The following VAV3 variants were observed in gnomAD, a reference collection of about 807,000 sequenced individuals.
VAV3 encodes vav guanine nucleotide exchange factor 3.
VAV3 carries 94 observed loss-of-function variants against 131.2 expected under a neutral mutation model. The ratio of observed to expected loss-of-function variants is 0.72; its 90% CI spans 0.61 to 0.85. The LOEUF is 0.85. Ranked by LOEUF, VAV3 falls within the 40% of genes least tolerant of loss-of-function variation. The pLI, the probability that VAV3 is intolerant of heterozygous loss-of-function variation, is 0.00. For missense variants in VAV3, 939 were observed against 1,002.7 expected, an observed-to-expected ratio of 0.94 and a Z score of 0.86; for synonymous variants, 349 against 342.0, an observed-to-expected ratio of 1.02 and a Z score of -0.22.
At chr1:107,728,633 A>ATACGTATACGTATACGTATACGTG (rs1365571649) in intron 15 of VAV3, among the ~76,000 whole-genome samples, 4 of 127,046 alleles carry the variant, frequency 3.1e-5, no homozygotes, top group Non-Finnish European at 7.2e-5. Flanking sequence ...ATGTATATGT[A>ATACGTATACGTATACGTATACGTG]TATGTATATG....
At chr1:107,709,901 A>G (rs1372760093) in intron 15 of VAV3, among the ~76,000 whole-genome samples, 1 of 152,244 alleles carries the variant, frequency 6.6e-6, no homozygotes, top group Non-Finnish European at 1.5e-5. Flanking sequence ...AGTCTCAGGT[A>G]TGTCTTTCTT....
chr1:107,664,449 G>C (rs1657267423), intron 19 of VAV3, among the ~76,000 whole-genome samples: 1 of 151,988 alleles, frequency 6.6e-6, no homozygotes, highest in African/African-American at 2.4e-5. Context: ...GAACTACAGT[G>C]CTTGAACAAA....
intron 25 of VAV3, among the ~76,000 whole-genome samples, chr1:107,590,025 T>C (rs1449196524): frequency 6.6e-6 from 1 of 152,162 alleles, no homozygotes; most frequent in Non-Finnish European, 1.5e-5. Context: ...AAGCATGTTG[T>C]TGGATGGTGA....
intron 2 of VAV3, among the ~76,000 whole-genome samples, chr1:107,874,104 C>T (rs1261270604): frequency 6.6e-6 from 1 of 152,120 alleles, no homozygotes; most frequent in Non-Finnish European, 1.5e-5. Flanking sequence ...GTTTTTTCCT[C>T]CTTATTTGCT....
At chr1:107,688,317 G>C in intron 18 of VAV3, 64 bp downstream of exon 18, 1 of 1,567,120 alleles carries the variant, frequency 6.4e-7, no homozygotes, top group African/African-American at 1.4e-5. Flanking sequence ...GCCCAAGCCT[G>C]GTTAAGTTAG....
In VAV3 at chr1:107,642,196, T is replaced by C. The variant is rs144030295; in HGVS notation, c.1914+423A>G. 4.1e-4 allele frequency among the ~76,000 whole-genome samples: 63 copies of C among 152,068 alleles called. No homozygotes were observed. In the East Asian group the frequency reaches 8.2e-3, roughly 20 times the overall value. On this transcript the variant is annotated intron_variant, in intron 20 of 26. Transcript: ENST00000370056. ...CTAAGTCACAGTATGAGATAGGAGGTTGGCACAAGATACAGGTCATAAAGA... is the reference window on the plus strand; with the variant it reads ...CTAAGTCACAGTATGAGATAGGAGGCTGGCACAAGATACAGGTCATAAAGA...
intron 2 of VAV3, among the ~76,000 whole-genome samples, chr1:107,829,059 C>T (rs557879041): frequency 3.2e-4 from 48 of 152,302 alleles, no homozygotes; most frequent in African/African-American, 1.1e-3. Flanking sequence ...GCAGCATGCA[C>T]ACTCTGCTTT....
At chr1:107,953,785 CA>C (rs1674668027) in intron 1 of VAV3, among the ~76,000 whole-genome samples, 1 of 151,704 alleles carries the variant, frequency 6.6e-6, no homozygotes, top group African/African-American at 2.4e-5. Flanking sequence ...CCAGCTGTTA[CA>C]GATCTATTTT....
At chr1:107,716,543 T>C (rs1432503770) in intron 15 of VAV3, among the ~76,000 whole-genome samples, 1 of 152,260 alleles carries the variant, frequency 6.6e-6, no homozygotes, top group Non-Finnish European at 1.5e-5. Context: ...CGTTTATTCA[T>C]TTGCATATGT....
intron 19 of VAV3, among the ~76,000 whole-genome samples, chr1:107,682,937 G>A (rs2504456): frequency 0.89 from 135,667 of 152,284 alleles, 60,447 homozygotes; most frequent in Middle Eastern, 0.93. Flanking sequence ...TAATGACAGG[G>A]CAAATCTCAC....
intron 1 of VAV3, among the ~76,000 whole-genome samples, chr1:107,952,497 T>TATATATATATATATATATA: frequency 1.0e-5 from 1 of 99,212 alleles, no homozygotes. Flanking sequence ...CACACATAAA[T>TATATATATATATATATATA]TCAACCTAAA....
intron 25 of VAV3, among the ~76,000 whole-genome samples, chr1:107,581,689 A>C (rs1650066014): frequency 6.6e-6 from 1 of 152,250 alleles, no homozygotes; most frequent in South Asian, 2.1e-4. Flanking sequence ...AGGATAAAAA[A>C]GTACTAGTGA....
At chr1:107,699,399 C>G (rs1018445819) in intron 17 of VAV3, among the ~76,000 whole-genome samples, 3 of 152,396 alleles carry the variant, frequency 2.0e-5, no homozygotes, top group African/African-American at 7.2e-5. Flanking sequence ...TTGGGCAGCT[C>G]TGCCCCTATG....
At chr1:107,771,253 CTT>C (rs34501550) in intron 5 of VAV3, among the ~76,000 whole-genome samples, 119 of 135,048 alleles carry the variant, frequency 8.8e-4, no homozygotes, top group Non-Finnish European at 1.1e-3. Context: ...TTCTTGTCAG[CTT>C]TTTTTTTTTT....
chr1:107,719,907 T>C (rs1366717121), intron 15 of VAV3, among the ~76,000 whole-genome samples: 1 of 152,166 alleles, frequency 6.6e-6, no homozygotes, highest in Non-Finnish European at 1.5e-5. Flanking sequence ...ATGTCCTTTG[T>C]AGCAACATGG....
chr1:107,733,775 T>A (rs1662411527), intron 15 of VAV3, among the ~76,000 whole-genome samples: 1 of 152,216 alleles, frequency 6.6e-6, no homozygotes, highest in East Asian at 1.9e-4. Context: ...TTGGTGTACC[T>A]GAAAGTGACA....
chr1:107,951,947 T>C (rs889743004), intron 1 of VAV3, among the ~76,000 whole-genome samples: 7 of 152,194 alleles, frequency 4.6e-5, no homozygotes, highest in African/African-American at 1.7e-4. Context: ...AAATACCATT[T>C]GACCCAGCAA....
chr1:107,941,317 A>T (rs1051164134), intron 1 of VAV3, among the ~76,000 whole-genome samples: 2 of 152,134 alleles, frequency 1.3e-5, no homozygotes, highest in African/African-American at 4.8e-5. Context: ...TCATCTTCAC[A>T]ATCTTTTACA....
At chr1:107,683,835 G>A (rs1160900552) in intron 18 of VAV3, among the ~76,000 whole-genome samples, 4 of 152,150 alleles carry the variant, frequency 2.6e-5, no homozygotes, top group African/African-American at 9.7e-5. Context: ...TAGTGACGAT[G>A]GAGAGAACAA....
Sources: allele counts gnomAD v4.1 joint callset (sites outside exome capture counted in the v4.1 genomes callset), GRCh38; gene constraint gnomAD v4.1.1; transcripts MANE v1.5; gene names NCBI Gene and HGNC (gene_info 2026-07-23, HGNC 2026-07-21).